Variants in ZNF184 observed in about 807,000 individuals in gnomAD.
ZNF184 encodes zinc finger protein 184 (Kruppel-like).
ZNF184 carries 16 observed loss-of-function variants against 54.4 expected under a neutral mutation model. That is an observed-to-expected ratio of 0.29 (90% CI 0.20 to 0.45). ZNF184 has a LOEUF of 0.45. ZNF184 is among the 20% of genes least tolerant of loss of function. The probability of loss-of-function intolerance (pLI) is 1.00; values close to 1 mark genes in which losing one functional copy is unlikely to be tolerated. For missense variants in ZNF184, 681 were observed against 888.2 expected (o/e 0.77, Z 2.97); for synonymous variants, 254 against 295.3 (o/e 0.86, Z 1.43).
rs192196098 is a variant in ZNF184 at position 27,452,956 on chromosome 6, T to C, written c.603A>G (p.Glu201=). The change falls in exon 6 of 6, where the codon GAA becomes GAG. Residue 201 remains glutamate (E), a synonymous_variant. Transcript: ENST00000683788. This position sits in a 1 kb window ranked among gnomAD's most constrained non-coding sequence, Gnocchi z 5.5. ...TGATGCTTCTTTTAGTAGAGGTCTC[T>C]TCTGGAGATGGTTCTTGTGTTACAA... is the stretch of plus-strand genomic sequence containing the variant. ...SNLVTQEPSP[E]ETSTKRSIKQ... is the part of the protein sequence containing the mutation. 3.3e-5 allele frequency: 54 copies of C among 1,614,168 alleles called. No homozygotes were observed. In the African/African-American group the frequency reaches 6.1e-4, roughly 18 times the overall value.
rs1448222646 is a variant in ZNF184 at position 27,453,227 on chromosome 6, G to C, written c.332C>G (p.Ala111Gly). The C allele has an allele frequency of 4.4e-6, 7 of 1,607,176 alleles. No individual in the cohort carries two copies. Among genetic ancestry groups the C allele is most frequent in the Non-Finnish European group, 5.9e-6 (7 of 1,177,668 alleles). ...TTCTTCAGAAATGTCAGGCTCTGGGGCTGACACACTATTTTCAAGTCTTGT... is the reference window on the plus strand; with the variant it reads ...TTCTTCAGAAATGTCAGGCTCTGGGCCTGACACACTATTTTCAAGTCTTGT... ...WETRLENSVS[A>G]PEPDISEEEL... Residue 111 changes from alanine to glycine, a missense_variant, in exon 6 of 6, where the codon GCC becomes GGC. By Grantham distance (60) the Ala-to-Gly change is moderately conservative (BLOSUM62 0). Transcript: ENST00000683788. The surrounding 1 kb of genome is among the most constrained non-coding windows in gnomAD (Gnocchi z 4.7).
the ZNF184 span, chr6:27,408,019 T>A: frequency 3.6e-6 from 4 of 1,115,462 alleles, no homozygotes; most frequent in African/African-American, 6.1e-5. Flanking sequence ...CATCTCTTGG[T>A]TATATGCAAA....
At chr6:27,471,806 G>A (rs1053485855) in intron 2 of ZNF184, among the ~76,000 whole-genome samples, 1 of 152,148 alleles carries the variant, frequency 6.6e-6, no homozygotes, top group Non-Finnish European at 1.5e-5. Context: ...AAGTTACAGG[G>A]ACAAGTACAT....
chr6:27,472,299 G>A lies in ZNF184; in HGVS notation c.-5C>T. The A allele has an allele frequency of 6.2e-7, 1 of 1,613,970 alleles. No homozygotes were observed. The highest frequency in any genetic ancestry group is 1.1e-5 in the South Asian group (1 of 91,062). ...GTCGACCCCACTACCTTCCATCTCA[G>A]GAGCTCATCCCGTTCCTCTGGAACT... is the stretch of plus-strand genomic sequence containing the variant. On this transcript the variant is annotated 5_prime_UTR_variant, in exon 2 of 6. Coordinates refer to ENST00000683788, the MANE Select transcript of ZNF184 (RefSeq NM_001318891.2). This position sits in a 1 kb window ranked among gnomAD's most constrained non-coding sequence, Gnocchi z 4.8.
At chr6:27,470,917 A>T (rs569296425) in intron 2 of ZNF184, among the ~76,000 whole-genome samples, 81 of 152,254 alleles carry the variant, frequency 5.3e-4, no homozygotes, top group South Asian at 4.4e-3. Context: ...TATATATATA[A>T]AAAAATCCAC....
the ZNF184 span, among the ~76,000 whole-genome samples, chr6:27,412,062 T>C: frequency 4.5e-3 from 686 of 152,296 alleles, 4 homozygotes; most frequent in Middle Eastern, 0.014. Flanking sequence ...TGGGCACTCC[T>C]AGAAGATGAG....
chr6:27,404,474 G>A, the ZNF184 span: 4 of 152,170 alleles, frequency 2.6e-5, no homozygotes, highest in African/African-American at 9.7e-5. Context: ...GCAGGAGCAG[G>A]GGGGAGAGTA....
At chr6:27,457,545 A>G (rs929160631) in intron 3 of ZNF184, 136 bp from the exon 4 acceptor site, 4 of 1,011,418 alleles carry the variant, frequency 4.0e-6, no homozygotes, top group Non-Finnish European at 5.7e-6. Flanking sequence ...TTTATGAAAT[A>G]AATGTAAAAA....
At chr6:27,408,143 A>G in the ZNF184 span, 1 of 656,618 alleles carries the variant, frequency 1.5e-6, no homozygotes, top group East Asian at 2.7e-5. Flanking sequence ...TGGGGTGAGA[A>G]GGGATCAAGA....
chr6:27,461,252 C>T (rs1290883668), intron 3 of ZNF184, among the ~76,000 whole-genome samples: 3 of 152,166 alleles, frequency 2.0e-5, no homozygotes, highest in Admixed American at 6.5e-5. Context: ...GAAAGTGTAT[C>T]TGTATAATCA....
intron 3 of ZNF184, among the ~76,000 whole-genome samples, chr6:27,463,285 G>GA (rs550261507): frequency 0.059 from 7,663 of 130,392 alleles, 264 homozygotes; most frequent in Non-Finnish European, 0.084. Context: ...TAATAATAAA[G>GA]AAAAAAAAAA....
At chr6:27,465,894 C>T (rs1039073970) in intron 3 of ZNF184, among the ~76,000 whole-genome samples, 2 of 152,132 alleles carry the variant, frequency 1.3e-5, no homozygotes, top group Non-Finnish European at 2.9e-5. Context: ...GTTGACCAAA[C>T]TGATATCTGT....
At chr6:27,421,974 G>C in the ZNF184 span, among the ~76,000 whole-genome samples, 2 of 151,712 alleles carry the variant, frequency 1.3e-5, no homozygotes, top group African/African-American at 4.8e-5. Flanking sequence ...AGGAAGCTGA[G>C]GTGGGAGGAT....
the ZNF184 span, among the ~76,000 whole-genome samples, chr6:27,427,887 G>A: frequency 2.0e-5 from 3 of 152,220 alleles, no homozygotes; most frequent in South Asian, 4.2e-4. Flanking sequence ...TAAAAAGTCT[G>A]GTAAATGCCA....
At chr6:27,438,188 C>T in the ZNF184 span, among the ~76,000 whole-genome samples, 4 of 152,144 alleles carry the variant, frequency 2.6e-5, no homozygotes, top group African/African-American at 7.2e-5. Context: ...TAGCCAAGTA[C>T]ATCACTTTGT....
rs1435307977 is a variant in ZNF184 at position 27,452,372 on chromosome 6, C to T, written c.1187G>A (p.Gly396Glu). The T allele has an allele frequency of 1.2e-6, 2 of 1,614,044 alleles. No individual in the cohort carries two copies. ...AGTTGAGGGCCCGTTGAAGGCCTTTCCACATTCATTACATTTATAGGTTTT... is the reference window on the plus strand; with the variant it reads ...AGTTGAGGGCCCGTTGAAGGCCTTTTCACATTCATTACATTTATAGGTTTT... The part of the protein sequence containing the change: ...GEKTYKCNEC[G>E]KAFNGPSTFI... Residue 396 changes from glycine to glutamate, a missense_variant, in exon 6 of 6, where the codon GGA becomes GAA. Coordinates refer to ENST00000683788, the MANE Select transcript of ZNF184 (RefSeq NM_001318891.2). This position sits in a 1 kb window ranked among gnomAD's most constrained non-coding sequence, Gnocchi z 5.5.
chr6:27,420,177 G>A, the ZNF184 span, among the ~76,000 whole-genome samples: 1 of 152,094 alleles, frequency 6.6e-6, no homozygotes, highest in Non-Finnish European at 1.5e-5. Flanking sequence ...AAATTACTAA[G>A]TATCCGATAA....
At chr6:27,427,557 G>A in the ZNF184 span, among the ~76,000 whole-genome samples, 1 of 152,072 alleles carries the variant, frequency 6.6e-6, no homozygotes, top group African/African-American at 2.4e-5. Flanking sequence ...TCTTTCATCT[G>A]TCTCTCTCTA....
the ZNF184 span, among the ~76,000 whole-genome samples, chr6:27,440,402 G>T: frequency 0.63 from 95,090 of 151,896 alleles, 29,911 homozygotes; most frequent in Middle Eastern, 0.77. Flanking sequence ...TGAGATTTGA[G>T]CCTGGATGTA....
Sources: gnomAD v4.1 joint callset for allele counts (sites outside exome capture counted in the v4.1 genomes callset) on GRCh38, gnomAD v4.1.1 for gene constraint, Gnocchi (gnomAD v3.1) non-coding constraint, MANE v1.5 for transcripts, NCBI Gene and HGNC (gene_info 2026-07-23, HGNC 2026-07-21) for gene names.